The following ARMC9 variants were observed in gnomAD, a reference collection of about 807,000 sequenced individuals.
ARMC9 encodes lisH domain-containing protein ARMC9.
Under a neutral mutation model 107.0 loss-of-function variants are expected in ARMC9, and 94 were observed. The observed-to-expected ratio is 0.88, with a 90% CI of 0.74 to 1.04. The LOEUF (loss-of-function observed/expected upper bound fraction) is 1.04. Among genes scored for constraint, ARMC9 ranks in the 50% least tolerant of loss-of-function variants. ARMC9 has a pLI of 0.00. For missense variants in ARMC9, 942 were observed against 1,030.1 expected (o/e 0.91, Z 1.17); for synonymous variants, 380 against 396.9 (o/e 0.96, Z 0.51).
intron 13 of ARMC9, 43 bp from the exon 14 acceptor site, chr2:231,272,912 T>C (rs1318456958): frequency 3.8e-6 from 6 of 1,599,964 alleles, no homozygotes; most frequent in Admixed American, 1.7e-5. Flanking sequence ...ACCAGATAAA[T>C]TATTTCTGTC....
chr2:231,344,914 C>A, intron 20 of ARMC9, 61 bp from the exon 21 acceptor site: 1 of 1,547,260 alleles, frequency 6.5e-7, no homozygotes, highest in South Asian at 1.1e-5. Context: ...TTCTGCTTGA[C>A]TTCTAGGTCA....
intron 1 of ARMC9, among the ~76,000 whole-genome samples, chr2:231,201,150 G>C: frequency 6.6e-6 from 1 of 152,168 alleles, no homozygotes; most frequent in East Asian, 1.9e-4. Context: ...GTGTCCCCCA[G>C]GAGCAGCTGC....
At chr2:231,365,807 C>CTT in intron 23 of ARMC9, among the ~76,000 whole-genome samples, 1 of 151,014 alleles carries the variant, frequency 6.6e-6, no homozygotes, top group South Asian at 2.1e-4. Flanking sequence ...GTTTCTTTTT[C>CTT]TTTTTTTTTG....
chr2:231,222,665 C>A, intron 5 of ARMC9, 63 bp from the exon 6 acceptor site: 1 of 949,894 alleles, frequency 1.1e-6, no homozygotes, highest in Non-Finnish European at 1.6e-6. Context: ...ATGACCTCAA[C>A]TTGATGATGC....
At position 231,220,800 on chromosome 2, in the gene ARMC9, C is replaced by T. The variant is rs576429771; in HGVS notation, c.505-1928C>T. Among the ~76,000 whole-genome samples, 15 of 152,308 alleles carry T rather than the reference C, an allele frequency of 9.8e-5. No homozygotes were observed. In the South Asian group the frequency reaches 2.9e-3, roughly 29 times the overall value. On this transcript the variant is annotated intron_variant, in intron 5 of 24. Transcript: ENST00000611582. ...GTCCAAAGAGGCTTTATTTCAGTCT[C>T]ATCCCTGTCATTAGCAGAGCATCAT... is the stretch of plus-strand genomic sequence containing the variant.
intron 9 of ARMC9, among the ~76,000 whole-genome samples, chr2:231,250,650 G>C (rs759253516): frequency 1.5e-4 from 23 of 152,194 alleles, no homozygotes; most frequent in Admixed American, 3.3e-4. Context: ...AGGATGGGGG[G>C]TGAAGGAGGC....
Position 231,242,318 on chromosome 2 carries a change from A to T in ARMC9, c.879+2277A>T, listed in dbSNP as rs541077951. 2.6e-5 allele frequency among the ~76,000 whole-genome samples: 4 copies of T among 152,310 alleles called. No homozygotes were observed. The East Asian group carries it at 7.7e-4, about 29-fold the overall frequency. Reference sequence around the variant, plus strand: ...GGCCTTGACCACTTCCTCTCAGCCTAACAAATATCTCAGAATGGCTGGCTG... The same window carrying T: ...GGCCTTGACCACTTCCTCTCAGCCTTACAAATATCTCAGAATGGCTGGCTG... On this transcript the variant is annotated intron_variant, in intron 9 of 24. Coordinates refer to ENST00000611582, the MANE Select transcript of ARMC9 (RefSeq NM_001352754.2).
Position 231,373,913 on chromosome 2 carries a change from A to G in ARMC9, c.*2378A>G, listed in dbSNP as rs1217864672. 1 of 149,794 alleles carries G rather than the reference A, an allele frequency of 6.7e-6. No homozygotes were observed. The highest frequency in any genetic ancestry group is 2.5e-5 in the African/African-American group (1 of 40,582). The allele number at this position is 149,794 out of a possible 1,614,324, so 9.3% of individuals were successfully genotyped here. Reference sequence around the variant, plus strand: ...ACTCCGTCAAAAAAAAAAAAAAAATACATTGAGATTACCAGGTGGGGTATG... The same window carrying G: ...ACTCCGTCAAAAAAAAAAAAAAAATGCATTGAGATTACCAGGTGGGGTATG... On this transcript the variant is annotated 3_prime_UTR_variant, in exon 25 of 25. Coordinates refer to ENST00000611582, the MANE Select transcript of ARMC9 (RefSeq NM_001352754.2). This position sits in a 1 kb window ranked among gnomAD's most constrained non-coding sequence, Gnocchi z 4.4.
At chr2:231,224,644 G>A (rs897332410) in intron 6 of ARMC9, among the ~76,000 whole-genome samples, 1 of 152,176 alleles carries the variant, frequency 6.6e-6, no homozygotes, top group Non-Finnish European at 1.5e-5. Context: ...AGCATATGCT[G>A]AAATATAGCA....
At chr2:231,242,985 G>A (rs1377118463) in intron 9 of ARMC9, among the ~76,000 whole-genome samples, 4 of 152,034 alleles carry the variant, frequency 2.6e-5, no homozygotes, top group South Asian at 4.1e-4. Context: ...GGTGGCTCAC[G>A]CCTGTAATCC....
At chr2:231,321,880 G>T (rs1483334282) in intron 19 of ARMC9, among the ~76,000 whole-genome samples, 1 of 152,020 alleles carries the variant, frequency 6.6e-6, no homozygotes, top group Admixed American at 6.6e-5. Flanking sequence ...TCTCTTATTG[G>T]GTGTATTAAA....
intron 12 of ARMC9, among the ~76,000 whole-genome samples, chr2:231,263,888 G>A (rs934022378): frequency 4.6e-5 from 7 of 152,176 alleles, no homozygotes; most frequent in Admixed American, 6.5e-5. Flanking sequence ...AAATTAAAGA[G>A]TAAAGTCAAT....
At chr2:231,321,341 G>T (rs985581222) in intron 19 of ARMC9, among the ~76,000 whole-genome samples, 12 of 152,180 alleles carry the variant, frequency 7.9e-5, no homozygotes, top group Non-Finnish European at 1.6e-4. Context: ...GAAAGCAGCT[G>T]GCAGAGAAGT....
rs1032215857 is a variant in ARMC9 at position 231,255,926 on chromosome 2, G to C, written c.880-660G>C. Among the ~76,000 whole-genome samples, 1 of 152,178 alleles carries C rather than the reference G, an allele frequency of 6.6e-6. No homozygotes were observed. The highest frequency in any genetic ancestry group is 2.4e-5 in the African/African-American group (1 of 41,442). On this transcript the variant is annotated intron_variant, in intron 9 of 24. Transcript: ENST00000611582. The surrounding 1 kb of genome is among the most constrained non-coding windows in gnomAD (Gnocchi z 4.7). ...ATGGTGGCAGGTGCCTGTAATCCCAGCTACTCAGGAGGCTGAGGCAGGAGA... is the reference window on the plus strand; with the variant it reads ...ATGGTGGCAGGTGCCTGTAATCCCACCTACTCAGGAGGCTGAGGCAGGAGA...
chr2:231,240,092 TA>T (rs763339644), intron 9 of ARMC9, 51 bp downstream of exon 9: 11 of 1,415,742 alleles, frequency 7.8e-6, no homozygotes, highest in Non-Finnish European at 9.8e-6. Flanking sequence ...CCCCCAAATT[TA>T]AAAAGAATGT....
chr2:231,335,309 C>G lies in ARMC9; in HGVS notation c.1878+3412C>G, dbSNP rs567110782. Among the ~76,000 whole-genome samples, 4 of 152,290 alleles carry G rather than the reference C, an allele frequency of 2.6e-5. No individual in the cohort carries two copies. In the South Asian group the frequency reaches 6.2e-4, roughly 24 times the overall value. Reference sequence around the variant, plus strand: ...CTACCCTATACCTCCTGACCAAATCCCAGGAACCAATCATGGTGCACGCCA... The same window carrying G: ...CTACCCTATACCTCCTGACCAAATCGCAGGAACCAATCATGGTGCACGCCA... On this transcript the variant is annotated intron_variant, in intron 20 of 24. Coordinates refer to ENST00000611582, the MANE Select transcript of ARMC9 (RefSeq NM_001352754.2).
intron 23 of ARMC9, among the ~76,000 whole-genome samples, chr2:231,366,792 G>T (rs898517473): frequency 2.0e-5 from 3 of 151,126 alleles, no homozygotes; most frequent in African/African-American, 7.3e-5. Context: ...AGTGACCCAA[G>T]ATCATGCCAC....
chr2:231,368,469 C>T (rs919506979), intron 23 of ARMC9, among the ~76,000 whole-genome samples: 6 of 152,102 alleles, frequency 3.9e-5, no homozygotes, highest in Non-Finnish European at 5.9e-5. Context: ...TAAATGCTAA[C>T]GACAGGCTGC....
At chr2:231,215,352 T>G (rs2033383270) in intron 4 of ARMC9, 1 of 167,128 alleles carries the variant, frequency 6.0e-6, no homozygotes, top group Non-Finnish European at 1.3e-5. Context: ...GAACATAAAT[T>G]TATTTACTTA....
Sources: gnomAD v4.1 joint callset for allele counts (sites outside exome capture counted in the v4.1 genomes callset) on GRCh38, gnomAD v4.1.1 for gene constraint, Gnocchi (gnomAD v3.1) non-coding constraint, MANE v1.5 for transcripts, NCBI Gene and HGNC (gene_info 2026-07-23, HGNC 2026-07-21) for gene names.